The following POLR1E variants were observed in gnomAD, a reference collection of about 807,000 sequenced individuals.
POLR1E encodes RNA polymerase I subunit E.
POLR1E carries 37 observed loss-of-function variants against 50.9 expected under a neutral mutation model. The observed-to-expected ratio is 0.73, with a 90% CI of 0.56 to 0.96. POLR1E has a LOEUF of 0.96. Ranked by LOEUF, POLR1E falls within the 40% of genes least tolerant of loss-of-function variation. The probability of loss-of-function intolerance (pLI) is 0.00; values close to 1 mark genes in which losing one functional copy is unlikely to be tolerated. For synonymous variants in POLR1E, 166 were observed against 191.6 expected, an observed-to-expected ratio of 0.87 and a Z score of 1.10; for missense variants, 426 against 518.1, an observed-to-expected ratio of 0.82 and a Z score of 1.73.
At chr9:37,502,872 C>T (rs374302367) in intron 11 of POLR1E, among the ~76,000 whole-genome samples, 171 bp from the exon 12 acceptor site, 5 of 152,190 alleles carry the variant, frequency 3.3e-5, no homozygotes, top group Admixed American at 2.0e-4. Context: ...TGGTTCCCAG[C>T]GGGTGAGGGG....
At chr9:37,486,844 G>A in intron 2 of POLR1E, 38 bp downstream of exon 2, 1 of 1,572,660 alleles carries the variant, frequency 6.4e-7, no homozygotes, top group South Asian at 1.2e-5. Flanking sequence ...CACTCTGCAG[G>A]GCTCAGAAGG....
At position 37,503,281 on chromosome 9, in the gene POLR1E, T is replaced by A; in HGVS notation, c.*79T>A. 6.7e-7 allele frequency: 1 copy of A among 1,487,640 alleles called. No individual in the cohort carries two copies. Among genetic ancestry groups the A allele is most frequent in the Non-Finnish European group, 9.0e-7 (1 of 1,115,510 alleles). The allele number at this position is 1,487,640 out of a possible 1,614,324, so 92.2% of individuals were successfully genotyped here. A position where few individuals can be genotyped will look rare whatever the true frequency, so the allele number is the denominator to read the frequency against. On this transcript the variant is annotated 3_prime_UTR_variant, in exon 12 of 12. Coordinates refer to ENST00000377798, the MANE Select transcript of POLR1E (RefSeq NM_022490.4). ...CTATTCATTTCCATTTTTATGTATG[T>A]TTTGAAAAGAAAAGGTCCGGGGATG...
rs765251242 is a variant in POLR1E, at chr9:37,489,409, C to T, written c.343+9C>T. The stretch of plus-strand genomic sequence containing the variant: ...GCAGCCACTATTTTCAGGTAGGTCC[C>T]AGTCATGAAAGCTGACAGAAATAAT... On this transcript the variant is annotated intron_variant, in intron 4 of 11. Coordinates refer to ENST00000377798, the MANE Select transcript of POLR1E (RefSeq NM_022490.4). The T allele has an allele frequency of 3.2e-6, 5 of 1,573,392 alleles. No homozygotes were observed. Among genetic ancestry groups the T allele is most frequent in the Non-Finnish European group, 4.3e-6 (5 of 1,163,184 alleles).
intron 4 of POLR1E, among the ~76,000 whole-genome samples, chr9:37,491,934 A>T (rs1376924675): frequency 6.6e-6 from 1 of 152,238 alleles, no homozygotes; most frequent in African/African-American, 2.4e-5. Flanking sequence ...TTGATTAAAC[A>T]TATTTTTGTT....
intron 5 of POLR1E, among the ~76,000 whole-genome samples, 166 bp downstream of exon 5, chr9:37,492,881 T>C (rs1820710598): frequency 6.6e-6 from 1 of 152,246 alleles, no homozygotes; most frequent in South Asian, 2.1e-4. Context: ...AGAAGCCTCC[T>C]TGGTCCCACA....
chr9:37,498,374 G>T (rs73646387), intron 9 of POLR1E, 150 bp downstream of exon 9: 16,230 of 905,546 alleles, frequency 0.018, 340 homozygotes, highest in African/African-American at 0.088. Context: ...CTGCTGACAT[G>T]TCGAGGGGAC....
At chr9:37,492,564 T>C (rs1820703613) in intron 4 of POLR1E, 93 bp from the exon 5 acceptor site, 5 of 1,218,092 alleles carry the variant, frequency 4.1e-6, no homozygotes, top group Admixed American at 2.0e-5. Flanking sequence ...AAATCTATTA[T>C]TCTTAGATAG....
intron 3 of POLR1E, 122 bp downstream of exon 3, chr9:37,488,061 G>A: frequency 1.1e-6 from 1 of 904,908 alleles, no homozygotes; most frequent in Non-Finnish European, 1.7e-6. Flanking sequence ...TTTACTAGGT[G>A]ATCCCTGTGT....
At chr9:37,498,068 TC>T (rs1820815490) in intron 8 of POLR1E, 22 bp from the exon 9 acceptor site, 2 of 1,609,860 alleles carry the variant, frequency 1.2e-6, no homozygotes, top group Non-Finnish European at 8.5e-7. Context: ...GACACAGGCC[TC>T]CTTTTCTTTT....
At chr9:37,496,454 A>G (rs1264953235) in intron 8 of POLR1E, among the ~76,000 whole-genome samples, 1 of 152,026 alleles carries the variant, frequency 6.6e-6, no homozygotes, top group Non-Finnish European at 1.5e-5. Flanking sequence ...CCCCTTTCCC[A>G]TTAAAACAGC....
intron 4 of POLR1E, chr9:37,490,468 TC>T: frequency 1.1e-6 from 1 of 887,052 alleles, no homozygotes; most frequent in Non-Finnish European, 1.9e-6. Context: ...TCAGGCTGCT[TC>T]CCATTGGTTC....
At chr9:37,489,587 T>G (rs553495859) in intron 4 of POLR1E, among the ~76,000 whole-genome samples, 187 bp downstream of exon 4, 2 of 152,194 alleles carry the variant, frequency 1.3e-5, no homozygotes, top group Non-Finnish European at 2.9e-5. Flanking sequence ...TTTTTTGTTT[T>G]TTTTGAGATG....
chr9:37,503,207 A>C lies in POLR1E; in HGVS notation c.*5A>C, dbSNP rs746374650. 8 of 1,599,582 alleles carry C rather than the reference A, an allele frequency of 5.0e-6. No individual in the cohort carries two copies. Among genetic ancestry groups the C allele is most frequent in the South Asian group, 3.4e-5 (3 of 89,200 alleles). On this transcript the variant is annotated 3_prime_UTR_variant, in exon 12 of 12. Coordinates refer to ENST00000377798, the MANE Select transcript of POLR1E (RefSeq NM_022490.4). ...AAGCGGAGGAAGATTACCTAGACGC[A>C]TGCTTTCCAGACAGGGCGTTTTGGC... is the stretch of plus-strand genomic sequence containing the variant.
intron 4 of POLR1E, among the ~76,000 whole-genome samples, chr9:37,491,362 C>A (rs975133571): frequency 2.0e-5 from 3 of 152,140 alleles, no homozygotes; most frequent in African/African-American, 4.8e-5. Flanking sequence ...GTGCTTCCAT[C>A]CCTTTTGAGA....
intron 4 of POLR1E, chr9:37,492,211 T>C: frequency 3.2e-6 from 4 of 1,264,864 alleles, no homozygotes; most frequent in Non-Finnish European, 4.1e-6. Context: ...ACTGCCCTTA[T>C]TTGAGTACTT....
At chr9:37,502,956 C>A in intron 11 of POLR1E, 87 bp from the exon 12 acceptor site, 1 of 1,343,626 alleles carries the variant, frequency 7.4e-7, no homozygotes. Flanking sequence ...TGGCCTGGAG[C>A]ATGAATGTGC....
rs768320946 is a variant in POLR1E at position 37,492,424 on chromosome 9, A to G, written c.344-233A>G. 8 of 998,274 alleles carry G rather than the reference A, an allele frequency of 8.0e-6. No individual in the cohort carries two copies. In the African/African-American group the frequency reaches 1.1e-4, roughly 14 times the overall value. 61.8% of individuals were successfully genotyped at this position (998,274 alleles called of 1,614,324 possible). ...TTCTGTTTTTTAATTTCTAAAATGA[A>G]GAGGTTGGGCTGGATGACCGCTTGA... On this transcript the variant is annotated intron_variant, in intron 4 of 11. Transcript: ENST00000377798.
intron 9 of POLR1E, among the ~76,000 whole-genome samples, chr9:37,499,376 G>C (rs1345474964): frequency 6.6e-6 from 1 of 152,130 alleles, no homozygotes; most frequent in Non-Finnish European, 1.5e-5. Context: ...AATGAGCTAT[G>C]ATTGCACCAC....
Position 37,501,767 on chromosome 9 carries a change from C to G in POLR1E, c.1023C>G (p.Ile341Met). ...SMKAKITAYV[I>M]ILALHIHDFQ... ...AGGCGAAGATTACTGCATATGTGAT[C>G]ATACTTGCCTTGCACATACATGACT... Residue 341 changes from isoleucine to methionine, a missense_variant, in exon 11 of 12, where the codon ATC (isoleucine) becomes ATG (methionine). Transcript: ENST00000377798. 1.9e-6 allele frequency: 3 copies of G among 1,613,964 alleles called. No individual in the cohort carries two copies. Among genetic ancestry groups the G allele is most frequent in the South Asian group, 2.2e-5 (2 of 91,042 alleles).
Sources: gnomAD v4.1 joint callset for allele counts (sites outside exome capture counted in the v4.1 genomes callset) on GRCh38, gnomAD v4.1.1 for gene constraint, MANE v1.5 for transcripts, NCBI Gene and HGNC (gene_info 2026-07-23, HGNC 2026-07-21) for gene names.